The following SEMA5A variants were observed in gnomAD, a reference collection of about 807,000 sequenced individuals.
SEMA5A encodes semaphorin 5A.
SEMA5A carries 55 observed loss-of-function variants against 135.5 expected under a neutral mutation model. That is an observed-to-expected ratio of 0.41 (90% CI 0.33 to 0.51). The LOEUF (loss-of-function observed/expected upper bound fraction) is 0.51. Among genes scored for constraint, SEMA5A ranks in the 20% least tolerant of loss-of-function variants. The probability of loss-of-function intolerance (pLI) is 0.37; values close to 1 mark genes in which losing one functional copy is unlikely to be tolerated. For synonymous variants in SEMA5A, 580 were observed against 546.5 expected, an observed-to-expected ratio of 1.06 and a Z score of -0.85; for missense variants, 1,290 against 1,419.9, an observed-to-expected ratio of 0.91 and a Z score of 1.47.
intron 21 of SEMA5A, among the ~76,000 whole-genome samples, chr5:9,047,584 C>A (rs1264894947): frequency 1.3e-5 from 2 of 152,120 alleles, no homozygotes; most frequent in African/African-American, 4.8e-5. Flanking sequence ...GGAATACAGA[C>A]CAACTACCCT....
chr5:9,264,124 G>A (rs962035718), intron 5 of SEMA5A, among the ~76,000 whole-genome samples: 5 of 152,084 alleles, frequency 3.3e-5, no homozygotes, highest in Admixed American at 1.3e-4. Context: ...GAAACCATAT[G>A]GTAAGATAAG....
intron 2 of SEMA5A, among the ~76,000 whole-genome samples, chr5:9,422,841 CAAAA>C (rs928255547): frequency 6.6e-6 from 1 of 152,036 alleles, no homozygotes; most frequent in Non-Finnish European, 1.5e-5. Context: ...AAAAATAGTG[CAAAA>C]AAATTAATCT....
intron 3 of SEMA5A, 80 bp downstream of exon 3, chr5:9,379,743 T>A (rs965899553): frequency 3.3e-6 from 5 of 1,520,182 alleles, no homozygotes; most frequent in Non-Finnish European, 4.5e-6. Flanking sequence ...GCATTCGTGA[T>A]GCTCTATTAT....
At chr5:9,218,361 G>A (rs954288694) in intron 8 of SEMA5A, among the ~76,000 whole-genome samples, 1 of 152,200 alleles carries the variant, frequency 6.6e-6, no homozygotes, top group African/African-American at 2.4e-5. Flanking sequence ...ATTGGTGGCT[G>A]TCTGCTGGCT....
chr5:9,122,807 C>G lies in SEMA5A; in HGVS notation c.1630G>C (p.Gly544Arg). ...TRNLTVDGHF[G>R]VWSPWTPCTH... Reference sequence around the variant, plus strand: ...CAAGGCGTCCACGGAGACCACACACCAAAGTGCCCATCCACGGTGAGATTC... The same window carrying G: ...CAAGGCGTCCACGGAGACCACACACGAAAGTGCCCATCCACGGTGAGATTC... Residue 544 changes from glycine (G) to arginine (R), a missense_variant, in exon 14 of 23, where the codon GGT becomes CGT. This residue lies in a region of SEMA5A where 1,029 missense variants were observed against 1,086.6 expected (regional missense o/e 0.95). Coordinates refer to ENST00000382496, the MANE Select transcript of SEMA5A (RefSeq NM_003966.3). The G allele has an allele frequency of 6.2e-7, 1 of 1,607,838 alleles. No homozygotes were observed. Among genetic ancestry groups the G allele is most frequent in the Non-Finnish European group, 8.5e-7 (1 of 1,176,300 alleles).
chr5:9,309,040 A>G (rs1752001327), intron 5 of SEMA5A, among the ~76,000 whole-genome samples: 1 of 152,202 alleles, frequency 6.6e-6, no homozygotes, highest in Non-Finnish European at 1.5e-5. Flanking sequence ...TTCAGGCATT[A>G]CTTAAGCAAG....
chr5:9,334,187 A>G (rs1753279282), intron 4 of SEMA5A, among the ~76,000 whole-genome samples: 1 of 152,058 alleles, frequency 6.6e-6, no homozygotes, highest in African/African-American at 2.4e-5. Flanking sequence ...CATCCAATAA[A>G]TGGTTCCACA....
Position 9,502,811 on chromosome 5 carries a change from T to C in SEMA5A, c.-175+42773A>G, listed in dbSNP as rs114096752. Among the ~76,000 whole-genome samples the C allele has an allele frequency of 4.7e-3, 706 of 151,658 alleles. 4 individuals are homozygous for C. Among genetic ancestry groups the C allele is most frequent in the African/African-American group, 0.016 (675 of 41,326 alleles). ...CAACTAAATACCCTTTCCCAAAGGG[T>C]TCTAATTGGGGGAAGGACAGAGTGA... On this transcript the variant is annotated intron_variant, in intron 1 of 22. Coordinates refer to ENST00000382496, the MANE Select transcript of SEMA5A (RefSeq NM_003966.3).
chr5:9,459,943 C>G (rs1426782809), intron 1 of SEMA5A, among the ~76,000 whole-genome samples: 1 of 152,114 alleles, frequency 6.6e-6, no homozygotes, highest in African/African-American at 2.4e-5. Context: ...GATTCCTTTT[C>G]CATTTACAAT....
At chr5:9,383,846 A>G (rs1032132897) in intron 2 of SEMA5A, among the ~76,000 whole-genome samples, 14 of 152,260 alleles carry the variant, frequency 9.2e-5, no homozygotes, top group African/African-American at 3.1e-4. Flanking sequence ...CACCTGAATG[A>G]AAGGAAGAGA....
chr5:9,269,684 G>C (rs375757431), intron 5 of SEMA5A, among the ~76,000 whole-genome samples: 2 of 152,170 alleles, frequency 1.3e-5, no homozygotes, highest in East Asian at 3.9e-4. Context: ...TAAAATGTAA[G>C]ATTATACATG....
At chr5:9,168,577 C>T (rs886260451) in intron 11 of SEMA5A, among the ~76,000 whole-genome samples, 32 of 152,194 alleles carry the variant, frequency 2.1e-4, no homozygotes, top group African/African-American at 7.5e-4. Context: ...ATCTCAGAAG[C>T]TCTTCTTTCC....
intron 11 of SEMA5A, among the ~76,000 whole-genome samples, chr5:9,182,986 C>T (rs1471238390): frequency 1.3e-5 from 2 of 152,114 alleles, no homozygotes; most frequent in African/African-American, 4.8e-5. Context: ...CTATCCCTGC[C>T]TGCATCTGGA....
At chr5:9,399,965 A>G (rs541484982) in intron 2 of SEMA5A, among the ~76,000 whole-genome samples, 1 of 152,358 alleles carries the variant, frequency 6.6e-6, no homozygotes, top group East Asian at 1.9e-4. Flanking sequence ...ACACCGTGGA[A>G]TACTATGCAG....
intron 1 of SEMA5A, among the ~76,000 whole-genome samples, chr5:9,524,881 A>G (rs1737040118): frequency 6.6e-6 from 1 of 152,196 alleles, no homozygotes; most frequent in Non-Finnish European, 1.5e-5. Context: ...TATACTAACC[A>G]TATATCTATT....
chr5:9,468,483 AAT>A (rs1369287404), intron 1 of SEMA5A, among the ~76,000 whole-genome samples: 1 of 152,152 alleles, frequency 6.6e-6, no homozygotes, highest in Non-Finnish European at 1.5e-5. Flanking sequence ...AATAAATTAC[AAT>A]ATGTTTCTAA....
At chr5:9,444,182 A>T (rs1316719748) in intron 1 of SEMA5A, among the ~76,000 whole-genome samples, 2 of 150,414 alleles carry the variant, frequency 1.3e-5, no homozygotes, top group African/African-American at 4.9e-5. Flanking sequence ...ATTTTTTTTA[A>T]TTTTTTTTTT....
chr5:9,387,170 A>C (rs951584971), intron 2 of SEMA5A, among the ~76,000 whole-genome samples: 2 of 152,178 alleles, frequency 1.3e-5, no homozygotes, highest in Non-Finnish European at 2.9e-5. Flanking sequence ...CTAAAACCAC[A>C]TACTTATGGC....
chr5:9,234,640 T>G (rs1310124329), intron 6 of SEMA5A, among the ~76,000 whole-genome samples: 1 of 152,242 alleles, frequency 6.6e-6, no homozygotes, highest in Non-Finnish European at 1.5e-5. Context: ...GTGATTTATC[T>G]TTCTCAGAGT....
Sources: gnomAD v4.1 joint callset for allele counts (sites outside exome capture counted in the v4.1 genomes callset) on GRCh38, gnomAD v4.1.1 for gene constraint, gnomAD v4.1.1 regional missense constraint, MANE v1.5 for transcripts, NCBI Gene and HGNC (gene_info 2026-07-23, HGNC 2026-07-21) for gene names.